Variants in USP4 observed in about 807,000 individuals in gnomAD.
USP4 encodes ubiquitin specific peptidase 4, also known as ubiquitin carboxyl-terminal hydrolase 4.
In USP4, 72 loss-of-function variants were observed where a neutral mutation model predicts 118.2. The observed-to-expected ratio is 0.61, with a 90% CI of 0.50 to 0.74. The LOEUF (loss-of-function observed/expected upper bound fraction) is 0.74, where lower values mean the gene tolerates loss of function less well. USP4 is among the 30% of genes least tolerant of loss of function. The probability of loss-of-function intolerance (pLI) is 0.00; values close to 1 mark genes in which losing one functional copy is unlikely to be tolerated. For synonymous variants in USP4, 415 were observed against 440.4 expected (o/e 0.94, Z 0.72); for missense variants, 1,037 against 1,185.7 (o/e 0.87, Z 1.84).
intron 6 of USP4, chr3:49,317,226 G>A (rs757459104): frequency 4.6e-6 from 7 of 1,529,966 alleles, no homozygotes; most frequent in South Asian, 1.1e-5. Flanking sequence ...CGATGGTCTG[G>A]TAGAACTTAC....
chr3:49,296,691 T>C (rs2047213334), intron 13 of USP4, among the ~76,000 whole-genome samples: 1 of 152,246 alleles, frequency 6.6e-6, no homozygotes, highest in East Asian at 1.9e-4. Flanking sequence ...GATGCTACTA[T>C]TGCTTTCATA....
At chr3:49,322,790 G>C (rs1428367302) in intron 6 of USP4, among the ~76,000 whole-genome samples, 1 of 147,170 alleles carries the variant, frequency 6.8e-6, no homozygotes, top group African/African-American at 2.5e-5. Flanking sequence ...ACCCGGGAGT[G>C]GGGGTGCAGT....
Position 49,297,958 on chromosome 3 carries a change from C to T in USP4, c.1603G>A (p.Val535Ile), listed in dbSNP as rs370689495. The T allele has an allele frequency of 1.2e-6, 2 of 1,611,418 alleles. No individual in the cohort carries two copies. Among genetic ancestry groups the T allele is most frequent in the African/African-American group, 2.7e-5 (2 of 74,838 alleles). ...AATCGGTGATTATACACATCTGCGA[C>T]CACCATCTAAGAATGAACAGTAACA... ...LSGIAAENMV[V>I]ADVYNHRFHK... Residue 535 changes from valine (V) to isoleucine (I), a missense_variant, in exon 13 of 22, where the codon GTC (valine) becomes ATC (isoleucine). Val to Ile is a conservative substitution (Grantham distance 29). Coordinates refer to ENST00000265560, the MANE Select transcript of USP4 (RefSeq NM_003363.4).
rs74361430 is a variant in USP4, at chr3:49,279,890, G to C, written c.2644+854C>G. On this transcript the variant is annotated intron_variant, in intron 20 of 21. Transcript: ENST00000265560. Reference sequence around the variant, plus strand: ...CCCAATGTGGACCCTCACACAACCAGCCTAACCTCATGGATGAGAAAACTG... The same window carrying C: ...CCCAATGTGGACCCTCACACAACCACCCTAACCTCATGGATGAGAAAACTG... Among the ~76,000 whole-genome samples, 1,238 of 152,282 alleles carry C rather than the reference G, an allele frequency of 8.1e-3. 9 individuals carry two copies. The highest frequency in any genetic ancestry group is 0.014 in the South Asian group (67 of 4,828).
chr3:49,281,491 TACACACACACACACACAC>T (rs71077782), intron 19 of USP4, among the ~76,000 whole-genome samples: 4 of 126,498 alleles, frequency 3.2e-5, no homozygotes, highest in South Asian at 2.5e-4. Flanking sequence ...TATATATATA[TACACACACACACACACAC>T]ACACACACAC....
chr3:49,301,612 C>T (rs965967949), intron 10 of USP4, among the ~76,000 whole-genome samples: 4 of 151,938 alleles, frequency 2.6e-5, no homozygotes, highest in Non-Finnish European at 4.4e-5. Context: ...CGCTTGAACC[C>T]GGGAGGTGGA....
At chr3:49,284,280 T>C (rs2047070943) in intron 18 of USP4, 144 bp from the exon 19 acceptor site, 2 of 1,246,090 alleles carry the variant, frequency 1.6e-6, no homozygotes, top group Non-Finnish European at 2.3e-6. Flanking sequence ...GCCAGGGACC[T>C]GTCTTCCAAA....
chr3:49,280,890 C>G, intron 19 of USP4, 43 bp from the exon 20 acceptor site: 1 of 1,568,394 alleles, frequency 6.4e-7, no homozygotes, highest in Non-Finnish European at 8.8e-7. Flanking sequence ...ATGTTAAACC[C>G]AAACAAAGTA....
Position 49,294,517 on chromosome 3 carries a change from T to A in USP4, c.1773A>T (p.Pro591=), listed in dbSNP as rs140546798. The change falls in exon 14 of 22, where the codon CCA becomes CCT. Residue 591 remains proline (P), a synonymous_variant. Transcript: ENST00000265560. ...PVYFRERKSR[P]SSTSSASALY... ...GCGCTGATGCGGAGGAAGTGCTTGA[T>A]GGCCTGGACTTCCTCTCCCTGAAGT... is the stretch of plus-strand genomic sequence containing the variant. The A allele has an allele frequency of 6.8e-4, 1,096 of 1,614,110 alleles. 12 individuals carry two copies. Among genetic ancestry groups the A allele is most frequent in the Admixed American group, 6.3e-4 (38 of 60,002 alleles).
intron 12 of USP4, 32 bp from the exon 13 acceptor site, chr3:49,297,996 A>G (rs2047226992): frequency 6.8e-7 from 1 of 1,462,234 alleles, no homozygotes; most frequent in Admixed American, 1.7e-5. Flanking sequence ...AAGACCACAG[A>G]ATGGCTAAGA....
intron 5 of USP4, 34 bp downstream of exon 5, chr3:49,324,860 G>A: frequency 1.2e-6 from 2 of 1,613,976 alleles, no homozygotes; most frequent in Non-Finnish European, 1.7e-6. Context: ...CCTGGGCAGA[G>A]CTACCTGCTG....
chr3:49,282,914 G>A lies in USP4; in HGVS notation c.2540+1073C>T, dbSNP rs570000137. Among the ~76,000 whole-genome samples the A allele has an allele frequency of 2.0e-5, 3 of 150,130 alleles. No individual in the cohort carries two copies. In the South Asian group the frequency reaches 6.3e-4, roughly 32 times the overall value. Reference sequence around the variant, plus strand: ...CTGGAGACAGGATTTCACCATGTTGGCCAGGCTACTCTCCGGCTCCTGATC... The same window carrying A: ...CTGGAGACAGGATTTCACCATGTTGACCAGGCTACTCTCCGGCTCCTGATC... On this transcript the variant is annotated intron_variant, in intron 19 of 21. Coordinates refer to ENST00000265560, the MANE Select transcript of USP4 (RefSeq NM_003363.4).
intron 10 of USP4, among the ~76,000 whole-genome samples, chr3:49,301,313 A>C (rs748808647): frequency 2.0e-5 from 3 of 152,128 alleles, no homozygotes; most frequent in Non-Finnish European, 4.4e-5. Flanking sequence ...CCTGATAAGA[A>C]ACAGAAGCCC....
intron 7 of USP4, 95 bp downstream of exon 7, chr3:49,311,419 C>G (rs972969030): frequency 5.2e-6 from 7 of 1,349,876 alleles, no homozygotes; most frequent in Non-Finnish European, 7.1e-6. Context: ...GAACTCTAAC[C>G]CCACTATGCT....
At position 49,278,333 on chromosome 3, in the gene USP4, C is replaced by G; in HGVS notation, c.2852G>C (p.Gly951Ala). The change falls in exon 22 of 22, where the codon GGC (glycine) becomes GCC (alanine). Residue 951 changes from glycine to alanine, a missense_variant. Physicochemically the swap from Gly to Ala is moderately conservative, Grantham distance 60. Coordinates refer to ENST00000265560, the MANE Select transcript of USP4 (RefSeq NM_003363.4). ...GCTGCAAGCCTCATCATCCCCAAAG[C>G]CCTGCTGAGAGCTGCTTGGTCGTGT... ...GGTRPSSSQQ[G>A]FGDDEACSMD... 6.2e-7 allele frequency: 1 copy of G among 1,614,116 alleles called. No individual in the cohort carries two copies. Among genetic ancestry groups the G allele is most frequent in the East Asian group, 2.2e-5 (1 of 44,878 alleles).
chr3:49,297,194 G>A (rs35260967), intron 13 of USP4, among the ~76,000 whole-genome samples: 8,355 of 152,266 alleles, frequency 0.055, 320 homozygotes, highest in Non-Finnish European at 0.073. Flanking sequence ...CATACTTCCT[G>A]GGCAAGTGGC....
chr3:49,319,009 G>C (rs1575616393), intron 6 of USP4, among the ~76,000 whole-genome samples: 1 of 150,646 alleles, frequency 6.6e-6, no homozygotes, highest in East Asian at 2.0e-4. Flanking sequence ...ATTGGAGGGA[G>C]GACTGTTGAG....
chr3:49,317,064 G>A (rs756537294), intron 6 of USP4: 14 of 1,159,032 alleles, frequency 1.2e-5, no homozygotes, highest in East Asian at 7.4e-5. Context: ...ACAGAGGCAG[G>A]CCCTGCCCAT....
intron 9 of USP4, among the ~76,000 whole-genome samples, chr3:49,304,712 C>T (rs535079931): frequency 1.3e-5 from 2 of 152,212 alleles, no homozygotes; most frequent in Admixed American, 1.3e-4. Flanking sequence ...CCTCAGCCTC[C>T]CTGGTAGCCG....
Sources: gnomAD v4.1 joint callset for allele counts (sites outside exome capture counted in the v4.1 genomes callset) on GRCh38, gnomAD v4.1.1 for gene constraint, MANE v1.5 for transcripts, NCBI Gene and HGNC (gene_info 2026-07-23, HGNC 2026-07-21) for gene names.